The following USP24 variants were observed in gnomAD, a reference collection of about 807,000 sequenced individuals.
USP24 encodes the protein ubiquitin specific peptidase 24, also known as ubiquitin carboxyl-terminal hydrolase 24.
Under a neutral mutation model 361.6 loss-of-function variants are expected in USP24, and 97 were observed. The ratio of observed to expected loss-of-function variants is 0.27; its 90% confidence interval spans 0.23 to 0.32. The LOEUF (loss-of-function observed/expected upper bound fraction) is 0.32. USP24 is among the 10% of genes least tolerant of loss of function. The pLI, the probability that USP24 is intolerant of heterozygous loss-of-function variation, is 1.00. For missense variants in USP24, 2,353 were observed against 3,165.6 expected (o/e 0.74, Z 6.16); for synonymous variants, 1,098 against 1,124.6 (o/e 0.98, Z 0.47).
chr1:55,126,409 C>A (rs1374173969), intron 32 of USP24, among the ~76,000 whole-genome samples: 5 of 147,244 alleles, frequency 3.4e-5, no homozygotes. Context: ...CTGCTTCCTT[C>A]TTTATTTTTC....
In USP24 at chr1:55,068,749, A is replaced by G. The variant is rs1405860962; in HGVS notation, c.*296T>C. 3 of 389,884 alleles carry G rather than the reference A, an allele frequency of 7.7e-6. No homozygotes were observed. Among genetic ancestry groups the G allele is most frequent in the Non-Finnish European group, 1.4e-5 (3 of 218,664 alleles). The allele number at this position is 389,884 out of a possible 1,614,324, so 24.2% of individuals were successfully genotyped here. A position where few individuals can be genotyped will look rare whatever the true frequency, so the allele number is the denominator to read the frequency against. ...CTCACTCTTGTATGTTCGTGTAACA[A>G]AAAAGTCTGCCACTGGCTCTATTTC... On this transcript the variant is annotated 3_prime_UTR_variant, in exon 68 of 68. Transcript: ENST00000294383.
At chr1:55,159,903 C>A (rs530855423) in intron 8 of USP24, among the ~76,000 whole-genome samples, 3 of 152,320 alleles carry the variant, frequency 2.0e-5, no homozygotes, top group Non-Finnish European at 4.4e-5. Flanking sequence ...AATATGAGTA[C>A]ATTTTCTGTC....
chr1:55,081,386 C>T lies in USP24; in HGVS notation c.7014G>A (p.Gly2338=). 3 of 1,613,686 alleles carry T rather than the reference C, an allele frequency of 1.9e-6. No homozygotes were observed. Among genetic ancestry groups the T allele is most frequent in the Non-Finnish European group, 2.5e-6 (3 of 1,179,702 alleles). Residue 2338 remains glycine (G), a synonymous_variant, in exon 59 of 68, where the codon GGG becomes GGA. Transcript: ENST00000294383. ...GTAACGCCACTGTATTGTGAAGATT[C>T]CCAAATTCTCGTGCTTGTGCTGAAC... ...RWSSAQAREF[G]NLHNTVALLV... is the part of the protein sequence containing the mutation.
At chr1:55,089,522 A>C in intron 55 of USP24, 105 bp downstream of exon 55, 1 of 760,310 alleles carries the variant, frequency 1.3e-6, no homozygotes, top group African/African-American at 1.8e-5. Flanking sequence ...GACTTTAAGC[A>C]GAACAATAAT....
At chr1:55,177,173 T>C (rs148651374) in intron 2 of USP24, among the ~76,000 whole-genome samples, 59 of 149,642 alleles carry the variant, frequency 3.9e-4, no homozygotes, top group African/African-American at 1.5e-3. Context: ...TAAATTACTC[T>C]TCTTCCCTAA....
At chr1:55,095,446 G>A (rs755150394) in intron 50 of USP24, 50 bp from the exon 51 acceptor site, 2 of 1,523,586 alleles carry the variant, frequency 1.3e-6, no homozygotes, top group African/African-American at 2.8e-5. Context: ...AGTTTTTCTT[G>A]TCTTGACAAT....
chr1:55,170,247 G>A (rs1039598572), intron 5 of USP24, among the ~76,000 whole-genome samples: 19 of 152,072 alleles, frequency 1.2e-4, no homozygotes, highest in African/African-American at 4.6e-4. Context: ...GAGAAGGCAA[G>A]AGAAGAGGGG....
intron 42 of USP24, among the ~76,000 whole-genome samples, chr1:55,102,769 T>C (rs918126753): frequency 2.0e-5 from 3 of 152,196 alleles, no homozygotes; most frequent in Non-Finnish European, 4.4e-5. Context: ...TATGCTGATA[T>C]AATTTTTGAT....
chr1:55,120,721 A>G lies in USP24; in HGVS notation c.4383T>C (p.Leu1461=), dbSNP rs1273903477. ...GATGCGCTGATGTGTCTGTCTGACT[A>G]AGAGTGTACAGCTGATCACAGGCAA... The part of the protein sequence containing the change: ...RRVACDQLYT[L]SQTDTSAHPD... The change falls in exon 38 of 68, where the codon CTT becomes CTC. Residue 1461 remains leucine, a synonymous_variant. Transcript: ENST00000294383. 5 of 1,576,244 alleles carry G rather than the reference A, an allele frequency of 3.2e-6. No homozygotes were observed.
chr1:55,158,595 G>C (rs1452763227), intron 10 of USP24, among the ~76,000 whole-genome samples: 3 of 152,106 alleles, frequency 2.0e-5, no homozygotes, highest in Non-Finnish European at 4.4e-5. Flanking sequence ...TGTACCCTTA[G>C]AGCAAAAGTA....
rs1406691424 is a variant in USP24 at position 55,123,555 on chromosome 1, C to T, written c.4168G>A (p.Ala1390Thr). Residue 1390 changes from alanine (A) to threonine (T), a missense_variant, in exon 36 of 68, where the codon GCG becomes ACG. This residue lies in a region of USP24 where 949 missense variants were observed against 1,280.5 expected (regional missense o/e 0.74). Transcript: ENST00000294383. ...GACTGTTGTCGAACACAGATTCCCG[C>T]ATGCAGGGCTACTGGTTCTCCTTCA... Reference protein sequence around the residue: ...GSEGEPVALHAGICVRQQSVS... With the variant: ...GSEGEPVALHTGICVRQQSVS... The T allele has an allele frequency of 6.2e-7, 1 of 1,601,396 alleles. No homozygotes were observed. The highest frequency in any genetic ancestry group is 1.1e-5 in the South Asian group (1 of 88,198).
At chr1:55,077,580 G>A (rs111579042) in intron 61 of USP24, among the ~76,000 whole-genome samples, 4 of 152,262 alleles carry the variant, frequency 2.6e-5, no homozygotes, top group South Asian at 2.1e-4. Flanking sequence ...AAACAGATCC[G>A]ATTTTATATA....
In USP24 at chr1:55,199,616, T is replaced by TGAGAGAGAGA. The variant is rs754249587; in HGVS notation, c.324+15173_324+15174insTCTCTCTCTC. On this transcript the variant is annotated intron_variant, in intron 1 of 67. Transcript: ENST00000294383. ...GTGTGTGTGTGTGTGTGTGTGTGTG[T>TGAGAGAGAGA]GTGTGTGAGAGAGAGAGAGACAGAC... is the stretch of plus-strand genomic sequence containing the variant. 9.7e-5 allele frequency among the ~76,000 whole-genome samples: 14 copies of TGAGAGAGAGA among 144,934 alleles called. No homozygotes were observed. In the South Asian group the frequency reaches 2.4e-3, roughly 24 times the overall value.
intron 2 of USP24, among the ~76,000 whole-genome samples, chr1:55,177,420 T>C (rs1349949546): frequency 2.0e-5 from 3 of 152,210 alleles, no homozygotes; most frequent in African/African-American, 7.2e-5. Flanking sequence ...AGGTGCTCAA[T>C]AAATGCTACT....
chr1:55,126,240 C>T (rs557216241), intron 32 of USP24, among the ~76,000 whole-genome samples: 24 of 152,202 alleles, frequency 1.6e-4, no homozygotes, highest in Non-Finnish European at 2.4e-4. Flanking sequence ...TGGCCTCTGC[C>T]GGCACCAGGC....
At chr1:55,132,468 T>C in intron 31 of USP24, 77 bp downstream of exon 31, 1 of 1,461,226 alleles carries the variant, frequency 6.8e-7, no homozygotes, top group Non-Finnish European at 9.2e-7. Context: ...TTTACTTATT[T>C]CTGACATCTG....
rs1645250383 is a variant in USP24, at chr1:55,086,303, T to C, written c.6669-265A>G. The C allele has an allele frequency of 2.8e-5, 14 of 503,422 alleles. No homozygotes were observed. The South Asian group carries it at 2.9e-4, about 10-fold the overall frequency. 31.2% of individuals were successfully genotyped at this position (503,422 alleles called of 1,614,324 possible). A position where few individuals can be genotyped will look rare whatever the true frequency, so the allele number is the denominator to read the frequency against. On this transcript the variant is annotated intron_variant, in intron 55 of 67. Coordinates refer to ENST00000294383, the MANE Select transcript of USP24 (RefSeq NM_015306.3). The stretch of plus-strand genomic sequence containing the variant: ...ATGAGAAAGTTTAAAAGATAAGAAG[T>C]ACTCCCATAATGTTCAGCTCTAGAG...
At chr1:55,093,089 T>C (rs933509578) in intron 52 of USP24, among the ~76,000 whole-genome samples, 173 bp from the exon 53 acceptor site, 2 of 152,176 alleles carry the variant, frequency 1.3e-5, no homozygotes, top group Non-Finnish European at 1.5e-5. Context: ...AGAGAAAACC[T>C]TCCTTTGACA....
intron 61 of USP24, among the ~76,000 whole-genome samples, chr1:55,077,830 C>T (rs1645061894): frequency 1.3e-5 from 2 of 152,190 alleles, no homozygotes; most frequent in Non-Finnish European, 2.9e-5. Flanking sequence ...AAATACCACA[C>T]TTCCAAGAGG....
Sources: allele counts gnomAD v4.1 joint callset (sites outside exome capture counted in the v4.1 genomes callset), GRCh38; gene constraint gnomAD v4.1.1; regional missense constraint gnomAD v4.1.1; transcripts MANE v1.5; gene names NCBI Gene and HGNC (gene_info 2026-07-23, HGNC 2026-07-21).